Variants in SMC1B observed in about 807,000 individuals in gnomAD.
The protein encoded by SMC1B is structural maintenance of chromosomes protein 1B.
Under a neutral mutation model 157.9 loss-of-function variants are expected in SMC1B, and 60 were observed. That is an observed-to-expected ratio of 0.38 (90% confidence interval 0.31 to 0.47). SMC1B has a LOEUF of 0.47. SMC1B is among the 20% of genes least tolerant of loss of function. The pLI, the probability that SMC1B is intolerant of heterozygous loss-of-function variation, is 0.99. For missense variants in SMC1B, 1,165 were observed against 1,426.2 expected (o/e 0.82, Z 2.95); for synonymous variants, 445 against 483.0 (o/e 0.92, Z 1.03).
Position 45,402,419 on chromosome 22 carries a change from CAAAG to C in SMC1B, c.764_767del (p.Ser255CysfsTer7). ...CTTTAACTATGTTTTCATGATGAGACAAAGACTCTCTTTTGACACTCAAATCCCT... is the reference window on the plus strand; with the variant it reads ...CTTTAACTATGTTTTCATGATGAGACACTCTCTTTTGACACTCAAATCCCT... On this transcript the variant is annotated frameshift_variant, in exon 5 of 25. Transcript: ENST00000357450. LOFTEE classifies it high-confidence loss of function. 6.2e-7 allele frequency: 1 copy of C among 1,613,938 alleles called. No homozygotes were observed. Among genetic ancestry groups the C allele is most frequent in the Non-Finnish European group, 8.5e-7 (1 of 1,179,942 alleles).
chr22:45,362,281 C>G (rs1356872360), intron 16 of SMC1B, among the ~76,000 whole-genome samples: 1 of 152,164 alleles, frequency 6.6e-6, no homozygotes, highest in African/African-American at 2.4e-5. Context: ...CTATCATGAT[C>G]TCTGTCAATT....
intron 3 of SMC1B, 24 bp downstream of exon 3, chr22:45,406,729 A>C: frequency 6.3e-7 from 1 of 1,585,128 alleles, no homozygotes; most frequent in Non-Finnish European, 8.5e-7. Context: ...ACTCTGAATC[A>C]AATAAACTAC....
At chr22:45,387,314 G>A (rs1363600398) in intron 10 of SMC1B, among the ~76,000 whole-genome samples, 1 of 152,134 alleles carries the variant, frequency 6.6e-6, no homozygotes, top group African/African-American at 2.4e-5. Flanking sequence ...GCCAGGCATG[G>A]TGGCACATGC....
intron 12 of SMC1B, among the ~76,000 whole-genome samples, chr22:45,375,794 A>G (rs1009024820): frequency 5.3e-5 from 8 of 152,294 alleles, no homozygotes; most frequent in African/African-American, 1.7e-4. Flanking sequence ...CTATCTAGTC[A>G]GATGTATTAT....
intron 8 of SMC1B, among the ~76,000 whole-genome samples, 188 bp from the exon 9 acceptor site, chr22:45,394,029 T>G (rs1327185665): frequency 6.6e-6 from 1 of 152,042 alleles, no homozygotes; most frequent in Non-Finnish European, 1.5e-5. Flanking sequence ...CTTTGTTGAT[T>G]TGAAAAATGT....
intron 23 of SMC1B, among the ~76,000 whole-genome samples, chr22:45,347,626 T>G: frequency 6.6e-6 from 1 of 152,140 alleles, no homozygotes; most frequent in East Asian, 1.9e-4. Context: ...CTTTTTAAAT[T>G]TATTTATAAT....
At chr22:45,389,634 T>C (rs888371639) in intron 10 of SMC1B, 78 bp downstream of exon 10, 261 of 1,300,362 alleles carry the variant, frequency 2.0e-4, no homozygotes, top group Non-Finnish European at 2.1e-4. Context: ...ATCACTATCA[T>C]AGTTTTAGGC....
rs951395256 is a variant in SMC1B, at chr22:45,344,478, G to T, written c.*78C>A. ...CACCAGGCTGGTCCTGCTTGCTCCA[G>T]AAGTCTCCTGTGGAGGAGCTGTGTG... On this transcript the variant is annotated 3_prime_UTR_variant, in exon 25 of 25. Transcript: ENST00000357450. 47 of 1,048,934 alleles carry T rather than the reference G, an allele frequency of 4.5e-5. No individual in the cohort carries two copies. In the African/African-American group the frequency reaches 7.2e-4, roughly 16 times the overall value. The allele number at this position is 1,048,934 out of a possible 1,614,324, so 65.0% of individuals were successfully genotyped here.
chr22:45,358,981 A>G (rs1483783545), intron 18 of SMC1B, among the ~76,000 whole-genome samples, 186 bp from the exon 19 acceptor site: 2 of 152,216 alleles, frequency 1.3e-5, no homozygotes, highest in Admixed American at 6.5e-5. Context: ...TGACACAGAG[A>G]CACAGAAAAG....
At position 45,402,563 on chromosome 22, in the gene SMC1B, A is replaced by G; in HGVS notation, c.624T>C (p.Arg208=). 6.2e-7 allele frequency: 1 copy of G among 1,612,044 alleles called. No homozygotes were observed. Among genetic ancestry groups the G allele is most frequent in the Admixed American group, 1.7e-5 (1 of 59,902 alleles). The part of the protein sequence containing the change: ...QAKLEKEEAE[R]YQSLLEELKM... ...TCAGTTCTTCAAGGAGACTCTGGTA[A>G]CGTTCTGCCTATAAAAGAGTATAAT... Residue 208 remains arginine, a synonymous_variant, in exon 5 of 25, where the codon CGT becomes CGC. Transcript: ENST00000357450.
chr22:45,403,368 A>G (rs1393790489), intron 4 of SMC1B, among the ~76,000 whole-genome samples: 1 of 152,216 alleles, frequency 6.6e-6, no homozygotes, highest in Admixed American at 6.5e-5. Flanking sequence ...TTCTTCAAAT[A>G]TGTATTGAGT....
At chr22:45,365,991 G>T (rs531664832) in intron 15 of SMC1B, among the ~76,000 whole-genome samples, 1 of 152,130 alleles carries the variant, frequency 6.6e-6, no homozygotes, top group Non-Finnish European at 1.5e-5. Flanking sequence ...ATCTCAATTA[G>T]AATTCCATTT....
intron 12 of SMC1B, among the ~76,000 whole-genome samples, chr22:45,373,822 A>G (rs2086857456): frequency 6.6e-6 from 1 of 152,222 alleles, no homozygotes; most frequent in Non-Finnish European, 1.5e-5. Context: ...AATGATTAAA[A>G]TAATTAGGCA....
intron 12 of SMC1B, among the ~76,000 whole-genome samples, chr22:45,375,080 G>C (rs1428438833): frequency 1.3e-5 from 2 of 152,216 alleles, no homozygotes; most frequent in Non-Finnish European, 2.9e-5. Context: ...GTCAAGCTGG[G>C]AACTGCTTAG....
At chr22:45,350,403 G>A (rs62231139) in intron 22 of SMC1B, among the ~76,000 whole-genome samples, 233 of 152,332 alleles carry the variant, frequency 1.5e-3, no homozygotes, top group Middle Eastern at 3.4e-3. Flanking sequence ...TCAGCCTCCC[G>A]AGTAGCTGGG....
chr22:45,359,752 A>T, intron 18 of SMC1B, 53 bp downstream of exon 18: 1 of 1,557,006 alleles, frequency 6.4e-7, no homozygotes, highest in Admixed American at 1.7e-5. Flanking sequence ...GCAAAGGGCA[A>T]TGCATTAAGT....
At chr22:45,404,479 G>A (rs541216037) in intron 4 of SMC1B, among the ~76,000 whole-genome samples, 1 of 152,134 alleles carries the variant, frequency 6.6e-6, no homozygotes, top group African/African-American at 2.4e-5. Context: ...AACCAACTAA[G>A]AGTCCCATAC....
intron 15 of SMC1B, among the ~76,000 whole-genome samples, chr22:45,368,059 A>G (rs1569181298): frequency 6.6e-6 from 1 of 152,240 alleles, no homozygotes; most frequent in Non-Finnish European, 1.5e-5. Flanking sequence ...ATAATATTAG[A>G]TAATAGTGAT....
At chr22:45,403,292 T>C (rs1215376075) in intron 4 of SMC1B, among the ~76,000 whole-genome samples, 1 of 152,220 alleles carries the variant, frequency 6.6e-6, no homozygotes, top group Non-Finnish European at 1.5e-5. Context: ...AGGACATGTA[T>C]ACATATTAGA....
Sources: gnomAD v4.1 joint callset for allele counts (sites outside exome capture counted in the v4.1 genomes callset) on GRCh38, gnomAD v4.1.1 for gene constraint, MANE v1.5 for transcripts, NCBI Gene and HGNC (gene_info 2026-07-23, HGNC 2026-07-21) for gene names.